Variants in PRDM8 observed in about 807,000 individuals in gnomAD.
PRDM8 encodes the protein PR/SET domain 8.
PRDM8 carries 13 observed loss-of-function variants against 46.5 expected under a neutral mutation model. The observed-to-expected ratio is 0.28, with a 90% CI of 0.18 to 0.44. The LOEUF is 0.44. Among genes scored for constraint, PRDM8 ranks in the 20% least tolerant of loss-of-function variants. The pLI is 1.00. For synonymous variants in PRDM8, 473 were observed against 438.4 expected (o/e 1.08, Z -0.98); for missense variants, 998 against 955.0 (o/e 1.04, Z -0.59).
chr4:80,195,924 C>CAGAGAGAGAGAG (rs1409411847), upstream of PRDM8: 2 of 174,478 alleles, frequency 1.1e-5, no homozygotes, highest in African/African-American at 6.8e-5. Context: ...CACACACACA[C>CAGAGAGAGAGAG]ACACAGAGAG....
chr4:80,189,087 G>T (rs1459924767), intron 1 of PRDM8, among the ~76,000 whole-genome samples: 4 of 152,202 alleles, frequency 2.6e-5, no homozygotes, highest in African/African-American at 9.7e-5. Flanking sequence ...GAGTGGGAAG[G>T]TCACGCGCGC....
rs762093553 is a variant in PRDM8, at chr4:80,202,317, C to T, written c.855C>T (p.Ser285=). 4 of 1,609,040 alleles carry T rather than the reference C, an allele frequency of 2.5e-6. No homozygotes were observed. The highest frequency in any genetic ancestry group is 2.5e-6 in the Non-Finnish European group (3 of 1,178,276). ...SSCSPAQSLS[S]GSGSGGGGGH... is the part of the protein sequence containing the mutation. Reference sequence around the variant, plus strand: ...GCTCCCCAGCCCAGAGCCTCAGCAGCGGTAGCGGCAGCGGCGGCGGCGGCG... The same window carrying T: ...GCTCCCCAGCCCAGAGCCTCAGCAGTGGTAGCGGCAGCGGCGGCGGCGGCG... Residue 285 remains serine (S), a synonymous_variant, in exon 4 of 4, where the codon AGC becomes AGT. Coordinates refer to ENST00000415738, the MANE Select transcript of PRDM8 (RefSeq NM_001099403.2).
At position 80,202,279 on chromosome 4, in the gene PRDM8, G is replaced by A. The variant is rs1322034703; in HGVS notation, c.817G>A (p.Gly273Arg). The A allele has an allele frequency of 1.2e-6, 2 of 1,610,318 alleles. No homozygotes were observed. The highest frequency in any genetic ancestry group is 1.7e-5 in the Admixed American group (1 of 59,866). The change falls in exon 4 of 4, where the codon GGA becomes AGA. Residue 273 changes from glycine (G) to arginine (R), a missense_variant. By Grantham distance (125) the Gly-to-Arg change is moderately radical. Coordinates refer to ENST00000415738, the MANE Select transcript of PRDM8 (RefSeq NM_001099403.2). ...GGCCAGGGAGCTGGAAAACTCCCGG[G>A]GAGGCAGCAGCTGCTCCCCAGCCCA... ...NLARELENSRGGSSCSPAQSL... is the reference protein window; with the variant it reads ...NLARELENSRRGSSCSPAQSL...
upstream of PRDM8, among the ~76,000 whole-genome samples, chr4:80,193,382 T>G (rs1359390734): frequency 2.0e-5 from 3 of 152,078 alleles, no homozygotes; most frequent in Admixed American, 2.0e-4. Flanking sequence ...TCAGCAAGCA[T>G]GGCTCTTCTC....
At position 80,203,229 on chromosome 4, in the gene PRDM8, T is replaced by A. The variant is rs773515375; in HGVS notation, c.1767T>A (p.Ala589=). 5 of 1,555,254 alleles carry A rather than the reference T, an allele frequency of 3.2e-6. No individual in the cohort carries two copies. In the African/African-American group the frequency reaches 5.5e-5, roughly 17 times the overall value. The stretch of plus-strand genomic sequence containing the variant: ...TCTGGCCCAAGAGCTCCGCTGCCGC[T>A]GCAGCCGCGGCTGCGGCGGCGGCCG... ...TAFWPKSSAA[A]AAAAAAAAAG... Residue 589 remains alanine (A), a synonymous_variant, in exon 4 of 4, where the codon GCT becomes GCA. Coordinates refer to ENST00000415738, the MANE Select transcript of PRDM8 (RefSeq NM_001099403.2).
intron 1 of PRDM8, chr4:80,189,994 C>T (rs1038528212): frequency 2.0e-5 from 3 of 152,234 alleles, no homozygotes; most frequent in Admixed American, 6.5e-5. Flanking sequence ...CGCGTTCGCC[C>T]TCGTTCCCTT....
Position 80,203,424 on chromosome 4 carries a change from G to A in PRDM8, c.1962G>A (p.Met654Ile), listed in dbSNP as rs1470353734. The A allele has an allele frequency of 6.2e-7, 1 of 1,613,704 alleles. No homozygotes were observed. The highest frequency in any genetic ancestry group is 1.1e-5 in the South Asian group (1 of 90,914). ...MRSHHKKEYA[M>I]EPLVKRRREE... ...CGCACCACAAAAAGGAGTATGCGAT[G>A]GAGCCCTTGGTGAAGCGGCGGCGAG... Residue 654 changes from methionine to isoleucine, a missense_variant, in exon 4 of 4, where the codon ATG (methionine) becomes ATA (isoleucine). Met to Ile is a conservative substitution (Grantham distance 10). Coordinates refer to ENST00000415738, the MANE Select transcript of PRDM8 (RefSeq NM_001099403.2).
chr4:80,196,224 T>TTAGC, upstream of PRDM8: 5 of 924,698 alleles, frequency 5.4e-6, no homozygotes, highest in Non-Finnish European at 6.5e-6. Context: ...CTCCTCCACT[T>TTAGC]TAGCTAGCTA....
chr4:80,194,382 T>C (rs980350453), upstream of PRDM8: 11 of 263,356 alleles, frequency 4.2e-5, no homozygotes, highest in Non-Finnish European at 6.5e-5. Flanking sequence ...ACTTTTATAG[T>C]ACTGTCTGAG....
intron 3 of PRDM8, 37 bp downstream of exon 3, chr4:80,201,558 T>C (rs758015894): frequency 5.0e-6 from 8 of 1,588,132 alleles, no homozygotes; most frequent in Middle Eastern, 3.4e-4. Context: ...GGCCCTTAAC[T>C]AGCGGGGGAG....
chr4:80,193,400 CA>C (rs1278368469), upstream of PRDM8, among the ~76,000 whole-genome samples: 2 of 152,144 alleles, frequency 1.3e-5, no homozygotes, highest in Admixed American at 6.5e-5. Context: ...CTCGACTCAC[CA>C]AAATGTAAAA....
rs1376382276 is a variant in PRDM8, at chr4:80,203,742, C to G, written c.*210C>G. ...AAATATTTACCCGGGACACACACCC[C>G]CCCCCACACACACACACAGACACAC... is the stretch of plus-strand genomic sequence containing the variant. On this transcript the variant is annotated 3_prime_UTR_variant, in exon 4 of 4. Coordinates refer to ENST00000415738, the MANE Select transcript of PRDM8 (RefSeq NM_001099403.2). 4.1e-6 allele frequency: 2 copies of G among 483,852 alleles called. No individual in the cohort carries two copies. Among genetic ancestry groups the G allele is most frequent in the African/African-American group, 2.1e-5 (1 of 47,228 alleles). The allele number at this position is 483,852 out of a possible 1,614,324, so 30.0% of individuals were successfully genotyped here.
At chr4:80,196,850 C>T (rs182470243), upstream of PRDM8, 1 of 947,894 alleles carries the variant, frequency 1.1e-6, no homozygotes, top group East Asian at 1.2e-4. Context: ...CTAGGAGGTA[C>T]CGTTATGTCC....
chr4:80,195,255 A>T (rs1463456937), upstream of PRDM8, among the ~76,000 whole-genome samples: 1 of 152,150 alleles, frequency 6.6e-6, no homozygotes, highest in Non-Finnish European at 1.5e-5. Context: ...TTATCAGTCT[A>T]GTTTCTAAGG....
chr4:80,196,030 C>T (rs548777486), upstream of PRDM8: 6 of 983,680 alleles, frequency 6.1e-6, no homozygotes, highest in Non-Finnish European at 7.2e-6. Flanking sequence ...CTCCCCTGGC[C>T]TCCTGGGACT....
Position 80,202,500 on chromosome 4 carries a change from G to C in PRDM8, c.1038G>C (p.Glu346Asp). Residue 346 changes from glutamate (E) to aspartate (D), a missense_variant, in exon 4 of 4, where the codon GAG (glutamate) becomes GAC (aspartate). Coordinates refer to ENST00000415738, the MANE Select transcript of PRDM8 (RefSeq NM_001099403.2). ...FVERPLPASK[E>D]DLVCTPQQYR... is the part of the protein sequence containing the mutation. ...AGCGGCCCCTCCCGGCCTCCAAGGA[G>C]GATCTGGTGTGCACACCGCAGCAGT... The C allele has an allele frequency of 6.5e-7, 1 of 1,540,592 alleles. No individual in the cohort carries two copies. Among genetic ancestry groups the C allele is most frequent in the South Asian group, 1.2e-5 (1 of 84,056 alleles).
chr4:80,197,398 G>A, upstream of PRDM8: 4 of 978,692 alleles, frequency 4.1e-6, no homozygotes, highest in Non-Finnish European at 4.9e-6. Context: ...GCGCCGGAGG[G>A]AGCGCCTGGC....
intron 2 of PRDM8, 56 bp downstream of exon 2, chr4:80,200,355 G>T (rs1738347294): frequency 2.1e-6 from 3 of 1,454,868 alleles, no homozygotes; most frequent in Admixed American, 3.4e-5. Flanking sequence ...GTTGGAAATG[G>T]ACTAAAAATA....
Position 80,203,079 on chromosome 4 carries a change from C to G in PRDM8, c.1617C>G (p.Pro539=). The G allele has an allele frequency of 1.9e-6, 3 of 1,568,426 alleles. No individual in the cohort carries two copies. Among genetic ancestry groups the G allele is most frequent in the East Asian group, 2.4e-5 (1 of 42,392 alleles). The change falls in exon 4 of 4, where the codon CCC becomes CCG. Residue 539 remains proline (P), a synonymous_variant. Transcript: ENST00000415738. Reference sequence around the variant, plus strand: ...GCGTGGGCCCCACCAGACTCTATCCCGCCGCCGCGGACCCTCTAGCGGTGA... The same window carrying G: ...GCGTGGGCCCCACCAGACTCTATCCGGCCGCCGCGGACCCTCTAGCGGTGA... ...ADGVGPTRLY[P]AAADPLAVKL... is the part of the protein sequence containing the mutation.
Sources: gnomAD v4.1 joint callset for allele counts (sites outside exome capture counted in the v4.1 genomes callset) on GRCh38, gnomAD v4.1.1 for gene constraint, MANE v1.5 for transcripts, NCBI Gene and HGNC (gene_info 2026-07-23, HGNC 2026-07-21) for gene names.